SV2C: variants seen among roughly 807,000 people sequenced by gnomAD.
SV2C encodes solute carrier family 22 member B3.
A neutral mutation model predicts 79.7 loss-of-function variants in SV2C; 49 were observed. The observed-to-expected ratio is 0.61, with a 90% CI of 0.49 to 0.78. The LOEUF (loss-of-function observed/expected upper bound fraction) is 0.78. Ranked by LOEUF, SV2C falls within the 30% of genes least tolerant of loss-of-function variation. The probability of loss-of-function intolerance (pLI) is 0.00; values close to 1 mark genes in which losing one functional copy is unlikely to be tolerated. For synonymous variants in SV2C, 334 were observed against 333.2 expected (o/e 1.00, Z -0.03); for missense variants, 833 against 912.9 (o/e 0.91, Z 1.13).
At chr5:76,259,472 T>C (rs1050340996) in intron 4 of SV2C, among the ~76,000 whole-genome samples, 6 of 152,172 alleles carry the variant, frequency 3.9e-5, no homozygotes, top group Non-Finnish European at 7.4e-5. Flanking sequence ...GGGATACATG[T>C]GTTGAACATG....
chr5:76,209,832 G>T lies in SV2C; in HGVS notation c.858G>T (p.Trp286Cys), dbSNP rs918350813. The change falls in exon 4 of 13, where the codon TGG becomes TGT. Residue 286 changes from tryptophan (W) to cysteine (C), a missense_variant. Coordinates refer to ENST00000502798, the MANE Select transcript of SV2C (RefSeq NM_014979.4). ...ACTTGAGCTGGCTCTGCATGTTCTG[G>T]ATGATCGGTGGCATCTACGCCTCTG... ...GEHLSWLCMF[W>C]MIGGIYASAM... 6 of 1,614,236 alleles carry T rather than the reference G, an allele frequency of 3.7e-6. No individual in the cohort carries two copies. Among genetic ancestry groups the T allele is most frequent in the Non-Finnish European group, 5.1e-6 (6 of 1,180,044 alleles).
At chr5:76,010,052 C>G in the SV2C span, among the ~76,000 whole-genome samples, 19 of 126,600 alleles carry the variant, frequency 1.5e-4, no homozygotes, top group Admixed American at 7.2e-4. Context: ...TCTACCTAGG[C>G]AGGGATTTGT....
chr5:76,299,177 A>T (rs1747892524), intron 10 of SV2C, among the ~76,000 whole-genome samples: 3 of 152,252 alleles, frequency 2.0e-5, no homozygotes, highest in Admixed American at 2.0e-4. Context: ...TTTGATGAAT[A>T]AATTTTTAAA....
chr5:76,277,685 G>C (rs1747062784), intron 4 of SV2C, among the ~76,000 whole-genome samples: 1 of 151,992 alleles, frequency 6.6e-6, no homozygotes, highest in Non-Finnish European at 1.5e-5. Context: ...AGAATCACTT[G>C]GGAAGCCAAG....
At chr5:75,864,641 C>T in the SV2C span, among the ~76,000 whole-genome samples, 43,316 of 152,116 alleles carry the variant, frequency 0.28, 9,928 homozygotes, top group African/African-American at 0.64. Flanking sequence ...CATGACCCTA[C>T]TGAGAGCTGG....
the SV2C span, among the ~76,000 whole-genome samples, chr5:76,033,725 A>G: frequency 2.3e-3 from 357 of 152,326 alleles, 3 homozygotes; most frequent in African/African-American, 6.4e-3. Flanking sequence ...TGACTTGGCA[A>G]TGAGGGCTCT....
the SV2C span, among the ~76,000 whole-genome samples, chr5:76,007,295 G>A: frequency 1.3e-5 from 2 of 151,712 alleles, no homozygotes; most frequent in Admixed American, 6.6e-5. Context: ...CACAAACAAT[G>A]AAAACATAAG....
chr5:75,972,241 A>G, the SV2C span, among the ~76,000 whole-genome samples: 1 of 152,146 alleles, frequency 6.6e-6, no homozygotes. Flanking sequence ...AAACCTAGGC[A>G]ATACCATTCA....
At chr5:75,878,923 G>A in the SV2C span, among the ~76,000 whole-genome samples, 1 of 152,208 alleles carries the variant, frequency 6.6e-6, no homozygotes, top group Non-Finnish European at 1.5e-5. Context: ...TGCTTCTGGT[G>A]AGGACCTCAG....
intron 4 of SV2C, among the ~76,000 whole-genome samples, chr5:76,239,236 A>T (rs977260999): frequency 6.6e-6 from 1 of 151,934 alleles, no homozygotes; most frequent in Non-Finnish European, 1.5e-5. Flanking sequence ...CTTGTTCTTT[A>T]TTCCTTTACC....
At chr5:76,251,261 G>A (rs1043662223) in intron 4 of SV2C, among the ~76,000 whole-genome samples, 2 of 152,120 alleles carry the variant, frequency 1.3e-5, no homozygotes, top group Admixed American at 6.6e-5. Context: ...CACAGGTTGT[G>A]TCCAGGCATG....
the SV2C span, among the ~76,000 whole-genome samples, chr5:75,882,495 A>C: frequency 1.3e-5 from 2 of 151,970 alleles, no homozygotes; most frequent in African/African-American, 2.4e-5. Context: ...CCTGACTTCA[A>C]ACTATACTAC....
At chr5:76,167,759 T>G (rs1292949541) in intron 2 of SV2C, among the ~76,000 whole-genome samples, 2 of 152,188 alleles carry the variant, frequency 1.3e-5, no homozygotes, top group Non-Finnish European at 2.9e-5. Flanking sequence ...ACTGAGTGGC[T>G]GGTGGTGAAG....
At chr5:75,908,283 A>G in the SV2C span, among the ~76,000 whole-genome samples, 1 of 152,218 alleles carries the variant, frequency 6.6e-6, no homozygotes, top group Non-Finnish European at 1.5e-5. Context: ...GTCACATAAT[A>G]TGTTGCCTTT....
chr5:75,915,754 A>C, the SV2C span, among the ~76,000 whole-genome samples: 3 of 152,222 alleles, frequency 2.0e-5, no homozygotes, highest in Non-Finnish European at 4.4e-5. Flanking sequence ...TCAATGAGTG[A>C]TGCAGACAAG....
the SV2C span, among the ~76,000 whole-genome samples, chr5:75,972,126 T>G: frequency 1.3e-5 from 2 of 152,136 alleles, no homozygotes; most frequent in Admixed American, 6.5e-5. Flanking sequence ...TAGCCATATG[T>G]AGAAAGCTGA....
At chr5:75,911,160 C>T in the SV2C span, 11 of 1,590,610 alleles carry the variant, frequency 6.9e-6, no homozygotes, top group Non-Finnish European at 8.6e-6. Context: ...CTGAAGCAAG[C>T]TCCTCTGAGG....
At chr5:76,352,342 A>G (rs1426748744) in intron 12 of SV2C, among the ~76,000 whole-genome samples, 1 of 152,238 alleles carries the variant, frequency 6.6e-6, no homozygotes, top group Non-Finnish European at 1.5e-5. Flanking sequence ...TGTGCCCCCA[A>G]AGTTCACGTG....
chr5:76,187,217 G>C (rs1404180142), intron 2 of SV2C, among the ~76,000 whole-genome samples: 1 of 152,138 alleles, frequency 6.6e-6, no homozygotes, highest in Non-Finnish European at 1.5e-5. Flanking sequence ...CTGTCTGATG[G>C]GCATGCTGTA....
Sources: allele counts gnomAD v4.1 joint callset (sites outside exome capture counted in the v4.1 genomes callset), GRCh38; gene constraint gnomAD v4.1.1; transcripts MANE v1.5; gene names NCBI Gene and HGNC (gene_info 2026-07-23, HGNC 2026-07-21).